The following FHIT variants were observed in gnomAD, a reference collection of about 807,000 sequenced individuals.
FHIT encodes bis(5'-adenosyl)-triphosphatase.
In FHIT, 19 loss-of-function variants were observed where a neutral mutation model predicts 17.9. The ratio of observed to expected loss-of-function variants is 1.06; its 90% CI spans 0.74 to 1.56. The LOEUF is 1.56. Ranked by LOEUF, FHIT falls within the 40% of genes most tolerant of loss-of-function variation. FHIT has a pLI of 0.00. For synonymous variants in FHIT, 81 were observed against 69.7 expected, an observed-to-expected ratio of 1.16 and a Z score of -0.81; for missense variants, 248 against 189.2, an observed-to-expected ratio of 1.31 and a Z score of -1.82.
At chr3:60,376,691 A>G (rs1700574255) in intron 5 of FHIT, among the ~76,000 whole-genome samples, 1 of 152,242 alleles carries the variant, frequency 6.6e-6, no homozygotes, top group South Asian at 2.1e-4. Context: ...GACACATTTT[A>G]TCTTTAGATT....
chr3:59,758,581 G>A (rs574923673), intron 8 of FHIT, among the ~76,000 whole-genome samples: 45 of 152,096 alleles, frequency 3.0e-4, no homozygotes, highest in East Asian at 7.7e-4. Flanking sequence ...GGACTAGTAC[G>A]TCCTTGATAA....
chr3:60,327,061 T>C (rs1369243109), intron 5 of FHIT, among the ~76,000 whole-genome samples: 1 of 152,170 alleles, frequency 6.6e-6, no homozygotes, highest in Admixed American at 6.5e-5. Context: ...TCCCCAGGCT[T>C]CCTGCACCAG....
At chr3:60,945,640 C>A (rs547758702) in intron 3 of FHIT, among the ~76,000 whole-genome samples, 1 of 152,096 alleles carries the variant, frequency 6.6e-6, no homozygotes, top group Non-Finnish European at 1.5e-5. Flanking sequence ...GTGATCCACC[C>A]GCCTCAGCCT....
At chr3:60,108,331 T>C (rs1460179734) in intron 5 of FHIT, among the ~76,000 whole-genome samples, 1 of 152,210 alleles carries the variant, frequency 6.6e-6, no homozygotes, top group Non-Finnish European at 1.5e-5. Context: ...TGATTACAAC[T>C]AAATTCAAGC....
intron 5 of FHIT, among the ~76,000 whole-genome samples, chr3:60,038,079 G>C (rs959699733): frequency 1.3e-5 from 2 of 152,130 alleles, no homozygotes; most frequent in African/African-American, 4.8e-5. Flanking sequence ...TTAAATTTCA[G>C]AGTAATGACT....
intron 4 of FHIT, among the ~76,000 whole-genome samples, chr3:60,544,562 T>C (rs1576848151): frequency 6.6e-6 from 1 of 151,730 alleles, no homozygotes; most frequent in Non-Finnish European, 1.5e-5. Context: ...CTTTTGAATG[T>C]CATAAGTGAA....
chr3:60,189,404 A>G (rs1559712333), intron 5 of FHIT, among the ~76,000 whole-genome samples: 1 of 152,198 alleles, frequency 6.6e-6, no homozygotes, highest in Non-Finnish European at 1.5e-5. Flanking sequence ...TAATTTGAGT[A>G]TCATTTACTG....
intron 1 of FHIT, among the ~76,000 whole-genome samples, chr3:61,250,427 T>TCTGCA (rs765638046): frequency 5.9e-4 from 90 of 152,238 alleles, no homozygotes; most frequent in Non-Finnish European, 1.0e-3. Context: ...AGAATAATAA[T>TCTGCA]AGCAGTAAAT....
chr3:60,495,124 G>A (rs111920875), intron 5 of FHIT, among the ~76,000 whole-genome samples: 22 of 152,088 alleles, frequency 1.4e-4, no homozygotes, highest in Middle Eastern at 3.4e-3. Flanking sequence ...CTACATCCCC[G>A]CCAGCATTTG....
chr3:60,317,635 GTA>G (rs372678434), intron 5 of FHIT, among the ~76,000 whole-genome samples: 369 of 134,394 alleles, frequency 2.7e-3, no homozygotes, highest in Non-Finnish European at 3.3e-3. Flanking sequence ...GTGTGTGTGT[GTA>G]TATATATATA....
chr3:60,040,688 G>A (rs933865890), intron 5 of FHIT, among the ~76,000 whole-genome samples: 5 of 152,130 alleles, frequency 3.3e-5, no homozygotes, highest in Non-Finnish European at 5.9e-5. Flanking sequence ...TTAGGACTAG[G>A]GGAGAGGAAG....
At chr3:59,858,832 G>T (rs1702287719) in intron 8 of FHIT, among the ~76,000 whole-genome samples, 1 of 152,114 alleles carries the variant, frequency 6.6e-6, no homozygotes, top group African/African-American at 2.4e-5. Flanking sequence ...AGGGGGAAAA[G>T]ACTTAGATTT....
At chr3:60,527,149 A>T (rs1387859524) in intron 5 of FHIT, among the ~76,000 whole-genome samples, 1 of 152,144 alleles carries the variant, frequency 6.6e-6, no homozygotes, top group African/African-American at 2.4e-5. Context: ...TGCACTCCTG[A>T]ACTTCAATTA....
intron 5 of FHIT, among the ~76,000 whole-genome samples, chr3:60,215,355 T>C (rs1220584482): frequency 2.0e-5 from 3 of 151,934 alleles, no homozygotes; most frequent in African/African-American, 7.3e-5. Context: ...GGTGCACACC[T>C]GTAATCCCAG....
chr3:59,909,174 T>C (rs1274430069), intron 8 of FHIT, among the ~76,000 whole-genome samples: 2 of 151,806 alleles, frequency 1.3e-5, no homozygotes, highest in African/African-American at 4.8e-5. Flanking sequence ...GCTGGCACTA[T>C]AGGCACGCAC....
intron 4 of FHIT, among the ~76,000 whole-genome samples, chr3:60,807,549 C>G (rs1701440340): frequency 6.6e-6 from 1 of 152,184 alleles, no homozygotes; most frequent in Non-Finnish European, 1.5e-5. Flanking sequence ...GATTGTGCCA[C>G]TGCACCCCAG....
chr3:60,794,922 T>C (rs782691685), intron 4 of FHIT, among the ~76,000 whole-genome samples: 3 of 152,218 alleles, frequency 2.0e-5, no homozygotes, highest in Non-Finnish European at 4.4e-5. Context: ...ATTCAAAAAG[T>C]ACAAAAGGGC....
chr3:60,384,262 G>A (rs1479871350), intron 5 of FHIT, among the ~76,000 whole-genome samples: 6 of 132,844 alleles, frequency 4.5e-5, no homozygotes, highest in South Asian at 2.6e-4. Context: ...CCAAGACTCC[G>A]TCTTAAAAAA....
intron 3 of FHIT, among the ~76,000 whole-genome samples, chr3:60,990,104 G>A (rs898299215): frequency 7.9e-5 from 12 of 152,026 alleles, no homozygotes; most frequent in African/African-American, 2.4e-4. Context: ...CCTTATGTAC[G>A]CCCAAGGGTG....
Sources: allele counts gnomAD v4.1 joint callset (sites outside exome capture counted in the v4.1 genomes callset), GRCh38; gene constraint gnomAD v4.1.1; transcripts MANE v1.5; gene names NCBI Gene and HGNC (gene_info 2026-07-23, HGNC 2026-07-21).